Variants in RGS18 observed in about 807,000 individuals in gnomAD.
The protein encoded by RGS18 is regulator of G protein signaling 18, also known as regulator of G-protein signaling 18.
RGS18 carries 22 observed loss-of-function variants against 27.6 expected under a neutral mutation model. The ratio of observed to expected loss-of-function variants is 0.80; its 90% CI spans 0.57 to 1.14. RGS18 has a LOEUF of 1.14. Ranked by LOEUF, RGS18 falls within the 50% of genes most tolerant of loss-of-function variation. The pLI, the probability that RGS18 is intolerant of heterozygous loss-of-function variation, is 0.00. For missense variants in RGS18, 299 were observed against 269.6 expected, an observed-to-expected ratio of 1.11 and a Z score of -0.76; for synonymous variants, 89 against 84.6, an observed-to-expected ratio of 1.05 and a Z score of -0.29.
intron 3 of RGS18, among the ~76,000 whole-genome samples, chr1:192,177,629 C>T (rs1656379684): frequency 6.6e-6 from 1 of 151,682 alleles, no homozygotes; most frequent in East Asian, 1.9e-4. Context: ...CCAACTCGTT[C>T]TTTAGAGATT....
chr1:192,167,681 A>C (rs1275538865), intron 3 of RGS18: 1 of 152,174 alleles, frequency 6.6e-6, no homozygotes. Context: ...GAACTCCCAA[A>C]GTGCTGGGAT....
chr1:192,158,748 CA>C lies in RGS18; in HGVS notation c.115del (p.Ile39SerfsTer10). 1 of 1,552,258 alleles carries C rather than the reference CA, an allele frequency of 6.4e-7. No homozygotes were observed. The highest frequency in any genetic ancestry group is 2.0e-5 in the Admixed American group (1 of 50,076). Reference protein sequence around the residue: ...SGKEETSKEAKIRAKEKRNRL... With the variant: ...SGKEETSKEAXIRAKEKRNRL... ...GAAAAGAAGAAACAAGCAAAGAAGCCAAAATCAGGTAAAATTGTACAATTTT... is the reference window on the plus strand; with the variant it reads ...GAAAAGAAGAAACAAGCAAAGAAGCCAAATCAGGTAAAATTGTACAATTTT... On this transcript the variant is annotated frameshift_variant, in exon 1 of 5. Coordinates refer to ENST00000367460, the MANE Select transcript of RGS18 (RefSeq NM_130782.3). LOFTEE classifies it high-confidence loss of function.
At position 192,184,674 on chromosome 1, in the gene RGS18, T is replaced by A. The variant is rs1268833661; in HGVS notation, c.*120T>A. ...TGAAATATGTCATGTGAAATTATTT[T>A]AAAAATGTAAAAACAAAACTTTCTG... is the stretch of plus-strand genomic sequence containing the variant. On this transcript the variant is annotated 3_prime_UTR_variant, in exon 5 of 5. Transcript: ENST00000367460. 2.0e-6 allele frequency: 2 copies of A among 982,320 alleles called. No individual in the cohort carries two copies. Among genetic ancestry groups the A allele is most frequent in the East Asian group, 2.6e-5 (1 of 37,968 alleles). 60.9% of individuals were successfully genotyped at this position (982,320 alleles called of 1,614,324 possible). A position where few individuals can be genotyped will look rare whatever the true frequency, so the allele number is the denominator to read the frequency against.
intron 3 of RGS18, among the ~76,000 whole-genome samples, chr1:192,180,067 T>TA (rs1034240930): frequency 7.9e-5 from 12 of 151,726 alleles, no homozygotes; most frequent in Admixed American, 4.0e-4. Flanking sequence ...TAAGTAGAGT[T>TA]AAAAAAGATA....
chr1:192,170,078 C>T (rs909444633), intron 3 of RGS18, among the ~76,000 whole-genome samples: 59 of 152,256 alleles, frequency 3.9e-4, no homozygotes, highest in African/African-American at 1.3e-3. Context: ...CGGCTAACTG[C>T]CGAAAGTTTA....
Position 192,184,345 on chromosome 1 carries a change from C to A in RGS18, c.499C>A (p.Gln167Lys). The A allele has an allele frequency of 1.2e-6, 2 of 1,611,246 alleles. No homozygotes were observed. Among genetic ancestry groups the A allele is most frequent in the South Asian group, 1.1e-5 (1 of 90,974 alleles). ...AGAAGTCATTACAAACAGCATCACTCAACCTACCCTCCACAGTTTTGATGC... is the reference window on the plus strand; with the variant it reads ...AGAAGTCATTACAAACAGCATCACTAAACCTACCCTCCACAGTTTTGATGC... ...TKEVITNSITQPTLHSFDAAQ... is the reference protein window; with the variant it reads ...TKEVITNSITKPTLHSFDAAQ... Residue 167 changes from glutamine to lysine, a missense_variant, in exon 5 of 5, where the codon CAA (glutamine) becomes AAA (lysine). Gln to Lys is a moderately conservative substitution (Grantham distance 53). Coordinates refer to ENST00000367460, the MANE Select transcript of RGS18 (RefSeq NM_130782.3).
At position 192,184,347 on chromosome 1, in the gene RGS18, A is replaced by G; in HGVS notation, c.501A>G (p.Gln167=). The part of the protein sequence containing the change: ...TKEVITNSIT[Q]PTLHSFDAAQ... ...AAGTCATTACAAACAGCATCACTCAACCTACCCTCCACAGTTTTGATGCTG... is the reference window on the plus strand; with the variant it reads ...AAGTCATTACAAACAGCATCACTCAGCCTACCCTCCACAGTTTTGATGCTG... Residue 167 remains glutamine, a synonymous_variant, in exon 5 of 5, where the codon CAA becomes CAG. Transcript: ENST00000367460. The G allele has an allele frequency of 6.2e-7, 1 of 1,611,496 alleles. No homozygotes were observed. The highest frequency in any genetic ancestry group is 1.7e-5 in the Admixed American group (1 of 59,766).
intron 4 of RGS18, among the ~76,000 whole-genome samples, chr1:192,182,711 T>C (rs888553297): frequency 6.6e-6 from 1 of 151,612 alleles, no homozygotes; most frequent in South Asian, 2.1e-4. Flanking sequence ...AGAGTGAATA[T>C]GATAAATTGC....
In RGS18 at chr1:192,158,543, C is replaced by A. The variant is rs1391075837; in HGVS notation, c.-95C>A. The A allele has an allele frequency of 9.0e-7, 1 of 1,105,276 alleles. No individual in the cohort carries two copies. Among genetic ancestry groups the A allele is most frequent in the Non-Finnish European group, 1.2e-6 (1 of 836,186 alleles). The allele number at this position is 1,105,276 out of a possible 1,614,324, so 68.5% of individuals were successfully genotyped here. A position where few individuals can be genotyped will look rare whatever the true frequency, so the allele number is the denominator to read the frequency against. On this transcript the variant is annotated 5_prime_UTR_variant, in exon 1 of 5. Transcript: ENST00000367460. ...AACATTACTGTAAGAGTTGTGATAA[C>A]TTTTTATTCTACTATGTATATGTAT...
At position 192,181,395 on chromosome 1, in the gene RGS18, A is replaced by C. The variant is rs771985806; in HGVS notation, c.387A>C (p.Gln129His). 6.3e-7 allele frequency: 1 copy of C among 1,594,108 alleles called. No individual in the cohort carries two copies. Among genetic ancestry groups the C allele is most frequent in the South Asian group, 1.2e-5 (1 of 86,266 alleles). ...CEDFKKSKGP[Q>H]QIHLKAKAIY... ...ATTTCAAGAAAAGCAAGGGACCTCA[A>C]CAAATTCACCTTAAAGCAAAAGCAA... is the stretch of plus-strand genomic sequence containing the variant. Residue 129 changes from glutamine (Q) to histidine (H), a missense_variant, in exon 4 of 5, where the codon CAA becomes CAC. Transcript: ENST00000367460.
chr1:192,169,018 C>T (rs1656211464), intron 3 of RGS18: 1 of 152,164 alleles, frequency 6.6e-6, no homozygotes, highest in African/African-American at 2.4e-5. Flanking sequence ...AACTCCTAAC[C>T]TGTAAATACT....
chr1:192,178,943 AAGG>A (rs1656402542), intron 3 of RGS18, among the ~76,000 whole-genome samples: 3 of 151,596 alleles, frequency 2.0e-5, no homozygotes. Flanking sequence ...GTTCAGAAAA[AAGG>A]AGTTCAGGAA....
intron 3 of RGS18, among the ~76,000 whole-genome samples, chr1:192,180,613 G>A (rs1180293410): frequency 1.3e-5 from 2 of 151,626 alleles, no homozygotes; most frequent in Non-Finnish European, 3.0e-5. Context: ...AAGCCACTTG[G>A]AAGATTATGT....
chr1:192,162,897 ATAAG>A (rs1212949791), intron 3 of RGS18, among the ~76,000 whole-genome samples: 1 of 152,194 alleles, frequency 6.6e-6, no homozygotes. Context: ...TCTTTATAAT[ATAAG>A]TATTTATTAG....
chr1:192,184,417 C>A lies in RGS18; in HGVS notation c.571C>A (p.Arg191Ser), dbSNP rs201015118. The change falls in exon 5 of 5, where the codon CGT becomes AGT. Residue 191 changes from arginine (R) to serine (S), a missense_variant. Transcript: ENST00000367460. ...GCTCATGGAACAAGACAGTTATACA[C>A]GTTTTCTGAAATCTGACATCTATTT... ...YQLMEQDSYTRFLKSDIYLDL... is the reference protein window; with the variant it reads ...YQLMEQDSYTSFLKSDIYLDL... The A allele has an allele frequency of 6.2e-7, 1 of 1,611,820 alleles. No individual in the cohort carries two copies. The highest frequency in any genetic ancestry group is 8.5e-7 in the Non-Finnish European group (1 of 1,178,580).
In RGS18 at chr1:192,185,520, A is replaced by G. The variant is rs1656533414; in HGVS notation, c.*966A>G. 6.6e-6 allele frequency: 1 copy of G among 151,676 alleles called. No individual in the cohort carries two copies. Among genetic ancestry groups the G allele is most frequent in the Non-Finnish European group, 1.5e-5 (1 of 67,712 alleles). 9.4% of individuals were successfully genotyped at this position (151,676 alleles called of 1,614,324 possible). ...GCATCTGCCACATTGGTTCATATTC[A>G]GAAAGTGTTATCTCATTGATTATAT... is the stretch of plus-strand genomic sequence containing the variant. On this transcript the variant is annotated 3_prime_UTR_variant, in exon 5 of 5. Coordinates refer to ENST00000367460, the MANE Select transcript of RGS18 (RefSeq NM_130782.3).
At chr1:192,176,884 G>A (rs976379422) in intron 3 of RGS18, among the ~76,000 whole-genome samples, 7 of 151,754 alleles carry the variant, frequency 4.6e-5, no homozygotes, top group Admixed American at 1.3e-4. Context: ...TTGTGAGCTT[G>A]TCCAAAGTCA....
chr1:192,163,882 C>A (rs57367325), intron 3 of RGS18, among the ~76,000 whole-genome samples: 1 of 138,840 alleles, frequency 7.2e-6, no homozygotes, highest in African/African-American at 2.6e-5. Context: ...TTTTTTTTTT[C>A]TTTTTTTTAA....
chr1:192,181,556 A>G (rs1198115216), intron 4 of RGS18, 98 bp downstream of exon 4: 1 of 809,874 alleles, frequency 1.2e-6, no homozygotes, highest in African/African-American at 1.8e-5. Flanking sequence ...ACTTATTTTT[A>G]TTAATTTCAT....
Sources: allele counts gnomAD v4.1 joint callset (sites outside exome capture counted in the v4.1 genomes callset), GRCh38; gene constraint gnomAD v4.1.1; transcripts MANE v1.5; gene names NCBI Gene and HGNC (gene_info 2026-07-23, HGNC 2026-07-21).